The following NRXN3 variants were observed in gnomAD, a reference collection of about 807,000 sequenced individuals.
The protein encoded by NRXN3 is neurexin 3, also known as neurexin III.
A neutral mutation model predicts 137.6 loss-of-function variants in NRXN3; 32 were observed. The ratio of observed to expected loss-of-function variants is 0.23; its 90% CI spans 0.18 to 0.31. The LOEUF (loss-of-function observed/expected upper bound fraction) is 0.31, where lower values mean the gene tolerates loss of function less well. Among genes scored for constraint, NRXN3 ranks in the 10% least tolerant of loss-of-function variants. NRXN3 has a pLI of 1.00. For synonymous variants in NRXN3, 798 were observed against 784.5 expected (o/e 1.02, Z -0.29); for missense variants, 1,574 against 2,062.5 (o/e 0.76, Z 4.59).
At chr14:78,856,966 C>G (rs1389166547) in intron 10 of NRXN3, among the ~76,000 whole-genome samples, 2 of 152,306 alleles carry the variant, frequency 1.3e-5, no homozygotes, top group Non-Finnish European at 2.9e-5. Flanking sequence ...CTCCTCACCT[C>G]AAGTAATCTG....
chr14:79,152,734 C>T (rs1377685486), intron 15 of NRXN3, among the ~76,000 whole-genome samples: 1 of 152,008 alleles, frequency 6.6e-6, no homozygotes, highest in African/African-American at 2.4e-5. Flanking sequence ...TAAGTTATCT[C>T]ACCCTGACCC....
At chr14:78,743,804 T>G (rs1037892384) in intron 8 of NRXN3, among the ~76,000 whole-genome samples, 1 of 152,148 alleles carries the variant, frequency 6.6e-6, no homozygotes, top group African/African-American at 2.4e-5. Context: ...GATCCTTCAT[T>G]GAAAGCCTTC....
In NRXN3 at chr14:79,253,270, G is replaced by C. The variant is rs1041946244; in HGVS notation, c.3263-213951G>C. 4.6e-5 allele frequency among the ~76,000 whole-genome samples: 7 copies of C among 152,194 alleles called. No homozygotes were observed. The East Asian group carries it at 9.6e-4, about 21-fold the overall frequency. On this transcript the variant is annotated intron_variant, in intron 15 of 20. Transcript: ENST00000335750. ...GATTGCGTTTTGACAGGAGGAAGGT[G>C]TTGAACCACTACTCGTAGATAGACA...
chr14:78,459,521 C>A (rs957550442), intron 4 of NRXN3, among the ~76,000 whole-genome samples: 2 of 152,130 alleles, frequency 1.3e-5, no homozygotes, highest in South Asian at 2.1e-4. Flanking sequence ...GGATTCTGCC[C>A]TTTCTCCCCA....
intron 4 of NRXN3, among the ~76,000 whole-genome samples, chr14:78,602,820 A>G (rs937892527): frequency 5.3e-5 from 8 of 152,194 alleles, no homozygotes; most frequent in Non-Finnish European, 1.5e-5. Flanking sequence ...GCTGTGTCTC[A>G]TAAATCCACT....
At chr14:79,756,502 A>C (rs2099020053) in intron 19 of NRXN3, among the ~76,000 whole-genome samples, 1 of 152,182 alleles carries the variant, frequency 6.6e-6, no homozygotes, top group Non-Finnish European at 1.5e-5. Context: ...TTACCATTAA[A>C]TATATATTTG....
intron 15 of NRXN3, among the ~76,000 whole-genome samples, chr14:79,230,436 T>C (rs1235690522): frequency 6.6e-6 from 1 of 152,154 alleles, no homozygotes; most frequent in East Asian, 1.9e-4. Context: ...TCAAGAATGT[T>C]GAAGCAATAG....
chr14:79,047,962 A>G (rs1174618426), intron 15 of NRXN3, among the ~76,000 whole-genome samples: 18 of 152,204 alleles, frequency 1.2e-4, no homozygotes, highest in Non-Finnish European at 1.9e-4. Context: ...TATATACACA[A>G]TGACATAAAA....
intron 15 of NRXN3, among the ~76,000 whole-genome samples, chr14:79,127,572 A>G (rs138424650): frequency 1.0e-3 from 159 of 152,270 alleles, no homozygotes; most frequent in South Asian, 1.9e-3. Flanking sequence ...TGTTTTGGTT[A>G]CCTTAGGCTT....
intron 16 of NRXN3, among the ~76,000 whole-genome samples, chr14:79,609,347 G>A (rs8013736): frequency 0.49 from 75,159 of 152,036 alleles, 21,053 homozygotes; most frequent in African/African-American, 0.77. Context: ...GAGAAAACCC[G>A]GATACAGGGC....
rs1431178325 is a variant in NRXN3, at chr14:79,714,388, C to T, written c.4014+16451C>T. On this transcript the variant is annotated intron_variant, in intron 19 of 20. Transcript: ENST00000335750. ...GAATTTGATGAGGATGTTCCCAGGG[C>T]TATTTCTAGCCAGAAAACGAAGCTG... is the stretch of plus-strand genomic sequence containing the variant. Among the ~76,000 whole-genome samples, 3 of 152,140 alleles carry T rather than the reference C, an allele frequency of 2.0e-5. No individual in the cohort carries two copies. In the East Asian group the frequency reaches 5.8e-4, roughly 29 times the overall value.
At chr14:79,680,684 GAAAAA>G (rs957117644) in intron 17 of NRXN3, among the ~76,000 whole-genome samples, 1 of 151,616 alleles carries the variant, frequency 6.6e-6, no homozygotes, top group Non-Finnish European at 1.5e-5. Flanking sequence ...TGTTTGCTCA[GAAAAA>G]AAAGAAGGTA....
At chr14:78,731,882 C>T (rs890622961) in intron 8 of NRXN3, among the ~76,000 whole-genome samples, 4 of 49,424 alleles carry the variant, frequency 8.1e-5, no homozygotes, top group South Asian at 5.9e-4. Flanking sequence ...TCTTGAAAAA[C>T]GTGATTTTTA....
intron 4 of NRXN3, among the ~76,000 whole-genome samples, chr14:78,485,241 G>A (rs138486499): frequency 6.5e-4 from 99 of 152,268 alleles, no homozygotes; most frequent in African/African-American, 9.4e-4. Context: ...TGTGTCCCCC[G>A]GTTGGGAGAT....
intron 8 of NRXN3, among the ~76,000 whole-genome samples, chr14:78,736,169 A>G (rs2098540402): frequency 6.6e-6 from 1 of 152,144 alleles, no homozygotes; most frequent in South Asian, 2.1e-4. Context: ...CCAGATGTCA[A>G]TTTGAAATTT....
chr14:78,943,617 AAAAAAT>A (rs1271595465), intron 10 of NRXN3, among the ~76,000 whole-genome samples: 38 of 40,530 alleles, frequency 9.4e-4, no homozygotes, highest in East Asian at 1.7e-3. Flanking sequence ...TGTTAAAAAA[AAAAAAT>A]ATATATATAT....
At chr14:79,769,275 C>T (rs539033560) in intron 19 of NRXN3, among the ~76,000 whole-genome samples, 1 of 150,178 alleles carries the variant, frequency 6.7e-6, no homozygotes, top group East Asian at 2.0e-4. Flanking sequence ...ACAGAGAACG[C>T]CACAAAGATA....
chr14:79,507,445 GA>G (rs1423199184), intron 16 of NRXN3, among the ~76,000 whole-genome samples: 3 of 152,118 alleles, frequency 2.0e-5, no homozygotes, highest in Admixed American at 6.5e-5. Flanking sequence ...ACAAATTATT[GA>G]GCTGGGAAGT....
intron 15 of NRXN3, among the ~76,000 whole-genome samples, chr14:79,346,217 C>G (rs2092873611): frequency 1.3e-5 from 2 of 152,090 alleles, no homozygotes; most frequent in Non-Finnish European, 2.9e-5. Context: ...GTCAGGAGTC[C>G]CAGGTCAGCC....
Sources: allele counts gnomAD v4.1 joint callset (sites outside exome capture counted in the v4.1 genomes callset), GRCh38; gene constraint gnomAD v4.1.1; transcripts MANE v1.5; gene names NCBI Gene and HGNC (gene_info 2026-07-23, HGNC 2026-07-21).